The following CTNNA3 variants were observed in gnomAD, a reference collection of about 807,000 sequenced individuals.
The protein encoded by CTNNA3 is catenin alpha 3.
CTNNA3 carries 76 observed loss-of-function variants against 95.7 expected under a neutral mutation model. The observed-to-expected ratio is 0.79, with a 90% CI of 0.66 to 0.96. The LOEUF (loss-of-function observed/expected upper bound fraction) is 0.96, where lower values mean the gene tolerates loss of function less well. CTNNA3 is among the 40% of genes least tolerant of loss of function. The probability of loss-of-function intolerance (pLI) is 0.00; values close to 1 mark genes in which losing one functional copy is unlikely to be tolerated. For missense variants in CTNNA3, 1,191 were observed against 1,089.8 expected (o/e 1.09, Z -1.31); for synonymous variants, 431 against 374.4 (o/e 1.15, Z -1.74).
intron 7 of CTNNA3, among the ~76,000 whole-genome samples, chr10:66,977,704 G>T (rs1044006399): frequency 2.0e-5 from 3 of 152,120 alleles, no homozygotes; most frequent in African/African-American, 7.2e-5. Flanking sequence ...ATCTACTATT[G>T]TTAGATAAAG....
intron 5 of CTNNA3, among the ~76,000 whole-genome samples, chr10:67,352,019 C>T (rs985878613): frequency 6.6e-6 from 1 of 151,986 alleles, no homozygotes; most frequent in Non-Finnish European, 1.5e-5. Context: ...AAGCACTGTG[C>T]TAGGCATTAG....
chr10:67,260,174 A>G (rs1181452366), intron 5 of CTNNA3, among the ~76,000 whole-genome samples: 1 of 152,204 alleles, frequency 6.6e-6, no homozygotes, highest in African/African-American at 2.4e-5. Context: ...GAGTGGGACC[A>G]CAGAGGTTAG....
At chr10:66,646,255 T>C (rs1196619341) in intron 9 of CTNNA3, among the ~76,000 whole-genome samples, 1 of 152,082 alleles carries the variant, frequency 6.6e-6, no homozygotes, top group East Asian at 1.9e-4. Flanking sequence ...AAAAATAGAA[T>C]ATCCACTTGA....
At chr10:66,409,399 T>TC (rs907686409) in intron 11 of CTNNA3, among the ~76,000 whole-genome samples, 4 of 132,534 alleles carry the variant, frequency 3.0e-5, no homozygotes, top group African/African-American at 1.2e-4. Flanking sequence ...TTCTAACTGT[T>TC]CCCAAAAAAA....
At chr10:66,193,434 A>C (rs986351648) in intron 13 of CTNNA3, among the ~76,000 whole-genome samples, 8 of 152,136 alleles carry the variant, frequency 5.3e-5, no homozygotes, top group Non-Finnish European at 1.2e-4. Context: ...AAAATTATGC[A>C]TTGGATTTAG....
In CTNNA3 at chr10:66,582,216, C is replaced by T. The variant is rs374757732; in HGVS notation, c.1374+39476G>A. On this transcript the variant is annotated intron_variant, in intron 10 of 17. Transcript: ENST00000433211. ...TAATTTGATAGAAATTGCATTGAAT[C>T]TGTAGATTGCTTTGGAGTGTATGGT... Among the ~76,000 whole-genome samples, 145 of 151,942 alleles carry T rather than the reference C, an allele frequency of 9.5e-4. 6 individuals carry two copies. The South Asian group carries it at 0.029, about 30-fold the overall frequency.
At chr10:67,338,525 T>C (rs193011416) in intron 5 of CTNNA3, among the ~76,000 whole-genome samples, 60 of 152,218 alleles carry the variant, frequency 3.9e-4, no homozygotes, top group African/African-American at 1.3e-3. Flanking sequence ...AATTCTTCTC[T>C]TTATTATACA....
Position 67,325,820 on chromosome 10 carries a change from G to A in CTNNA3, c.580-105950C>T, listed in dbSNP as rs962069923. Among the ~76,000 whole-genome samples, 30 of 152,108 alleles carry A rather than the reference G, an allele frequency of 2.0e-4. 1 individual carries two copies. The highest frequency in any genetic ancestry group is 7.2e-4 in the African/African-American group (30 of 41,432). On this transcript the variant is annotated intron_variant, in intron 5 of 17. Transcript: ENST00000433211. ...CTGTCTTGATGATCTGGCTAATATT[G>A]TTAGTGGGGTGTTAAAGTCTCCCCC...
chr10:66,605,064 T>C lies in CTNNA3; in HGVS notation c.1374+16628A>G, dbSNP rs562882515. Among the ~76,000 whole-genome samples the C allele has an allele frequency of 3.9e-5, 6 of 152,094 alleles. No individual in the cohort carries two copies. In the South Asian group the frequency reaches 1.2e-3, roughly 32 times the overall value. On this transcript the variant is annotated intron_variant, in intron 10 of 17. Transcript: ENST00000433211. ...AATCCAAGGAAGCTAAGAATCAGAATAAAACAACAGAAACGGACAGACAAA... is the reference window on the plus strand; with the variant it reads ...AATCCAAGGAAGCTAAGAATCAGAACAAAACAACAGAAACGGACAGACAAA...
rs1661439268 is a variant in CTNNA3 at position 66,924,142 on chromosome 10, G to C, written c.1048-148618C>G. 2.6e-5 allele frequency among the ~76,000 whole-genome samples: 4 copies of C among 152,250 alleles called. No homozygotes were observed. In the South Asian group the frequency reaches 8.3e-4, roughly 32 times the overall value. The stretch of plus-strand genomic sequence containing the variant: ...GAATGAGAATCCTGGGGGAGGGATT[G>C]GGCAGTCTATCTTTTTAAGAAACTC... On this transcript the variant is annotated intron_variant, in intron 7 of 17. Coordinates refer to ENST00000433211, the MANE Select transcript of CTNNA3 (RefSeq NM_013266.4).
At position 67,539,604 on chromosome 10, in the gene CTNNA3, C is replaced by G. The variant is rs1294570808; in HGVS notation, c.358G>C (p.Ala120Pro). Residue 120 changes from alanine to proline, a missense_variant, in exon 4 of 18, where the codon GCT becomes CCT. Ala to Pro is a conservative substitution (Grantham distance 27). Coordinates refer to ENST00000433211, the MANE Select transcript of CTNNA3 (RefSeq NM_013266.4). ...AAGGCACGGGCAGCTTGAACCACAG[C>G]CTCCCTTTTTGGGAGAAAACAGGGG... The part of the protein sequence containing the change: ...DDPCFLPKRE[A>P]VVQAARALLA... 6.2e-7 allele frequency: 1 copy of G among 1,613,704 alleles called. No homozygotes were observed. Among genetic ancestry groups the G allele is most frequent in the African/African-American group, 1.3e-5 (1 of 74,880 alleles).
chr10:66,616,336 A>C (rs1315964254), intron 10 of CTNNA3, among the ~76,000 whole-genome samples: 1 of 151,562 alleles, frequency 6.6e-6, no homozygotes, highest in African/African-American at 2.4e-5. Flanking sequence ...CTGTTAAAAA[A>C]CTCTTCTCTA....
intron 9 of CTNNA3, among the ~76,000 whole-genome samples, chr10:66,652,109 A>G (rs1200752807): frequency 6.6e-6 from 1 of 151,410 alleles, no homozygotes; most frequent in Non-Finnish European, 1.5e-5. Flanking sequence ...AAAAAAAAAA[A>G]AAAAAAAAAA....
intron 13 of CTNNA3, among the ~76,000 whole-genome samples, chr10:66,114,028 T>A (rs953698161): frequency 2.0e-5 from 3 of 152,116 alleles, no homozygotes; most frequent in Non-Finnish European, 4.4e-5. Context: ...TAGCAGCAGA[T>A]GGCTAGAAAC....
intron 13 of CTNNA3, among the ~76,000 whole-genome samples, chr10:66,250,176 A>G (rs2090492599): frequency 6.6e-6 from 1 of 152,216 alleles, no homozygotes. Flanking sequence ...ATAGAAAGAT[A>G]AACTTCACAT....
At chr10:66,223,203 G>A (rs182897978) in intron 13 of CTNNA3, among the ~76,000 whole-genome samples, 2 of 152,044 alleles carry the variant, frequency 1.3e-5, no homozygotes, top group African/African-American at 4.8e-5. Context: ...TAATATAGAC[G>A]AGGGAAAATA....
intron 13 of CTNNA3, among the ~76,000 whole-genome samples, chr10:66,237,411 G>A (rs892002110): frequency 6.6e-6 from 1 of 152,128 alleles, no homozygotes; most frequent in African/African-American, 2.4e-5. Context: ...GGCTTTACAT[G>A]ATGACGTGTA....
intron 5 of CTNNA3, among the ~76,000 whole-genome samples, chr10:67,449,251 A>G (rs1846875556): frequency 6.6e-6 from 1 of 152,168 alleles, no homozygotes; most frequent in African/African-American, 2.4e-5. Context: ...AAATGGGCCA[A>G]TCTGCCCAAA....
At position 66,232,895 on chromosome 10, in the gene CTNNA3, C is replaced by T. The variant is rs548790724; in HGVS notation, c.1884+47575G>A. On this transcript the variant is annotated intron_variant, in intron 13 of 17. Coordinates refer to ENST00000433211, the MANE Select transcript of CTNNA3 (RefSeq NM_013266.4). ...ATTTCAGGCCAGGCGCGGTGGCTCA[C>T]GCCTGTAATCCCAGCATTTTGGGAG... 1.5e-3 allele frequency among the ~76,000 whole-genome samples: 227 copies of T among 152,156 alleles called. 1 individual carries two copies. The highest frequency in any genetic ancestry group is 4.6e-3 in the African/African-American group (189 of 41,508).
Sources: gnomAD v4.1 joint callset for allele counts (sites outside exome capture counted in the v4.1 genomes callset) on GRCh38, gnomAD v4.1.1 for gene constraint, MANE v1.5 for transcripts, NCBI Gene and HGNC (gene_info 2026-07-23, HGNC 2026-07-21) for gene names.